NKAIN3: variants seen among roughly 807,000 people sequenced by gnomAD.
NKAIN3 encodes sodium/potassium transporting ATPase interacting 3.
A neutral mutation model predicts 30.2 loss-of-function variants in NKAIN3; 25 were observed. The observed-to-expected ratio is 0.83, with a 90% CI of 0.60 to 1.16. NKAIN3 has a LOEUF of 1.16. Among genes scored for constraint, NKAIN3 ranks in the 50% most tolerant of loss-of-function variants. The probability of loss-of-function intolerance (pLI) is 0.00; values close to 1 mark genes in which losing one functional copy is unlikely to be tolerated. For synonymous variants in NKAIN3, 91 were observed against 89.6 expected (o/e 1.02, Z -0.09); for missense variants, 225 against 254.1 (o/e 0.89, Z 0.78).
chr8:62,433,615 C>T (rs1805082615), intron 1 of NKAIN3, among the ~76,000 whole-genome samples: 1 of 151,880 alleles, frequency 6.6e-6, no homozygotes, highest in Admixed American at 6.6e-5. Context: ...GGGATTTTTC[C>T]CTAAGCAAGT....
At chr8:62,748,102 A>G (rs1475039970) in intron 4 of NKAIN3, among the ~76,000 whole-genome samples, 10 of 152,228 alleles carry the variant, frequency 6.6e-5, no homozygotes, top group Admixed American at 6.5e-4. Flanking sequence ...ATATTAATTT[A>G]TTGCTTAGAG....
chr8:62,909,111 A>G (rs1821862098), intron 4 of NKAIN3, among the ~76,000 whole-genome samples: 1 of 152,176 alleles, frequency 6.6e-6, no homozygotes. Context: ...AAGATTCACA[A>G]CTAGCAGGAC....
chr8:62,693,687 A>G (rs1023492070), intron 3 of NKAIN3, among the ~76,000 whole-genome samples: 3 of 152,184 alleles, frequency 2.0e-5, no homozygotes, highest in Non-Finnish European at 2.9e-5. Context: ...TAAAGTATGG[A>G]TAAAAGTACC....
intron 1 of NKAIN3, among the ~76,000 whole-genome samples, chr8:62,252,449 C>T (rs1812138661): frequency 6.6e-6 from 1 of 152,140 alleles, no homozygotes; most frequent in Non-Finnish European, 1.5e-5. Flanking sequence ...AAAACATATC[C>T]TTTTCAAGCT....
chr8:62,655,560 T>A (rs1040872589), intron 3 of NKAIN3, among the ~76,000 whole-genome samples: 1 of 121,166 alleles, frequency 8.3e-6, no homozygotes, highest in Non-Finnish European at 1.8e-5. Context: ...GTAGAATAAA[T>A]ATAGAACTGG....
intron 3 of NKAIN3, among the ~76,000 whole-genome samples, chr8:62,591,229 C>T (rs1810639969): frequency 6.6e-6 from 1 of 151,672 alleles, no homozygotes; most frequent in South Asian, 2.1e-4. Context: ...AGAAATTTGT[C>T]CTATGGAATT....
At chr8:62,309,819 T>C (rs1306063374) in intron 1 of NKAIN3, among the ~76,000 whole-genome samples, 1 of 150,600 alleles carries the variant, frequency 6.6e-6, no homozygotes, top group Non-Finnish European at 1.5e-5. Context: ...AGTGAAACTT[T>C]TGACATACCA....
At chr8:62,492,119 C>A (rs1208694404) in intron 1 of NKAIN3, among the ~76,000 whole-genome samples, 3 of 151,880 alleles carry the variant, frequency 2.0e-5, no homozygotes, top group Non-Finnish European at 4.4e-5. Flanking sequence ...GGGGACATAG[C>A]AAATTGTAGA....
intron 3 of NKAIN3, among the ~76,000 whole-genome samples, chr8:62,623,253 C>T (rs765800548): frequency 3.9e-5 from 6 of 151,998 alleles, no homozygotes; most frequent in Non-Finnish European, 7.4e-5. Flanking sequence ...CTGGAGAGGT[C>T]TTTGACCAAC....
chr8:62,467,618 G>A (rs933912571), intron 1 of NKAIN3, among the ~76,000 whole-genome samples: 5 of 151,902 alleles, frequency 3.3e-5, no homozygotes, highest in African/African-American at 4.8e-5. Context: ...GGAACTTCCA[G>A]GTCTCCTTTA....
At chr8:62,443,754 TTTCTC>T (rs1263682368) in intron 1 of NKAIN3, among the ~76,000 whole-genome samples, 1 of 152,068 alleles carries the variant, frequency 6.6e-6, no homozygotes, top group Non-Finnish European at 1.5e-5. Flanking sequence ...TTTTATAATT[TTTCTC>T]TTCTCTTTCT....
At chr8:62,638,561 G>A (rs1812206906) in intron 3 of NKAIN3, among the ~76,000 whole-genome samples, 1 of 152,128 alleles carries the variant, frequency 6.6e-6, no homozygotes, top group Non-Finnish European at 1.5e-5. Context: ...TTAATGAGAA[G>A]AATAACTATT....
intron 4 of NKAIN3, among the ~76,000 whole-genome samples, chr8:62,845,370 C>G (rs891675663): frequency 2.8e-5 from 4 of 144,416 alleles, no homozygotes; most frequent in Admixed American, 7.1e-5. Context: ...TCCCCCAACT[C>G]TCATCAGTCC....
At chr8:62,535,112 A>G (rs1053682848) in intron 1 of NKAIN3, among the ~76,000 whole-genome samples, 1 of 152,162 alleles carries the variant, frequency 6.6e-6, no homozygotes, top group South Asian at 2.1e-4. Context: ...TCTTCTTTGC[A>G]TCCAAAATTG....
chr8:62,350,512 C>A (rs940890165), intron 1 of NKAIN3, among the ~76,000 whole-genome samples: 2 of 151,772 alleles, frequency 1.3e-5, no homozygotes, highest in South Asian at 2.1e-4. Flanking sequence ...CAGCGTGGGA[C>A]GATGATGAAA....
intron 4 of NKAIN3, among the ~76,000 whole-genome samples, chr8:62,860,834 C>T (rs1820217433): frequency 6.6e-6 from 1 of 152,166 alleles, no homozygotes; most frequent in Admixed American, 6.5e-5. Context: ...AGCCTCCAGA[C>T]CATATATCCT....
chr8:62,373,981 C>T (rs1262445834), intron 1 of NKAIN3, among the ~76,000 whole-genome samples: 1 of 151,686 alleles, frequency 6.6e-6, no homozygotes, highest in Non-Finnish European at 1.5e-5. Context: ...GGCGTGGTGG[C>T]AGGCGCCTGT....
chr8:62,506,694 C>T (rs1032668911), intron 1 of NKAIN3, among the ~76,000 whole-genome samples: 10 of 151,870 alleles, frequency 6.6e-5, no homozygotes, highest in Non-Finnish European at 1.3e-4. Context: ...AGGCTGGTCT[C>T]GAACTCCTGA....
intron 4 of NKAIN3, among the ~76,000 whole-genome samples, chr8:62,893,444 T>A (rs1821347477): frequency 6.6e-6 from 1 of 152,208 alleles, no homozygotes; most frequent in South Asian, 2.1e-4. Flanking sequence ...TCTAAAATAA[T>A]ATTTCCCTTT....
Sources: allele counts gnomAD v4.1 joint callset (sites outside exome capture counted in the v4.1 genomes callset), GRCh38; gene constraint gnomAD v4.1.1; transcripts MANE v1.5; gene names NCBI Gene and HGNC (gene_info 2026-07-23, HGNC 2026-07-21).